The following TRAF2 variants were observed in gnomAD, a reference collection of about 807,000 sequenced individuals.
TRAF2 encodes TNF receptor associated factor 2.
A neutral mutation model predicts 55.6 loss-of-function variants in TRAF2; 6 were observed. The observed-to-expected ratio is 0.11, with a 90% CI of 0.06 to 0.21. TRAF2 has a LOEUF of 0.21. TRAF2 is among the 10% of genes least tolerant of loss of function. The pLI is 1.00. For synonymous variants in TRAF2, 329 were observed against 276.3 expected (o/e 1.19, Z -1.89); for missense variants, 561 against 684.5 (o/e 0.82, Z 2.01).
intron 1 of TRAF2, among the ~76,000 whole-genome samples, chr9:136,888,287 A>T (rs1039943870): frequency 6.6e-6 from 1 of 152,094 alleles, no homozygotes; most frequent in African/African-American, 2.4e-5. Context: ...AGTGGGTTAG[A>T]ATCAGGTGCC....
At position 136,899,627 on chromosome 9, in the gene TRAF2, C is replaced by T. The variant is rs768498025; in HGVS notation, c.222C>T (p.His74=). ...SGPQNCAACV[H]EGIYEEGISI... is the part of the protein sequence containing the mutation. ...CTCAGAACTGTGCTGCCTGTGTTCA[C>T]GAGGGCATATATGAAGAAGGCATTT... Residue 74 remains histidine, a synonymous_variant, in exon 3 of 11, where the codon CAC becomes CAT. Coordinates refer to ENST00000247668, the MANE Select transcript of TRAF2 (RefSeq NM_021138.4). The T allele has an allele frequency of 2.4e-5, 39 of 1,613,152 alleles. No homozygotes were observed. The highest frequency in any genetic ancestry group is 6.7e-5 in the African/African-American group (5 of 74,878).
intron 6 of TRAF2, among the ~76,000 whole-genome samples, chr9:136,913,064 G>A (rs1850154940): frequency 6.6e-6 from 1 of 151,980 alleles, no homozygotes; most frequent in Non-Finnish European, 1.5e-5. Context: ...CTGAACCCGG[G>A]AGGCACAGGT....
intron 1 of TRAF2, among the ~76,000 whole-genome samples, chr9:136,887,308 C>T (rs972225422): frequency 6.6e-6 from 1 of 152,226 alleles, no homozygotes; most frequent in African/African-American, 2.4e-5. Flanking sequence ...CTGGCGTGAG[C>T]AGCTGAAGGC....
chr9:136,899,682 A>AG lies in TRAF2; in HGVS notation c.267+10_267+11insG, dbSNP rs1849770026. ...TTTAGAAAGCAGTTCGGTAAGTAAA[A>AG]TGTCTTGAAGCTAAAAATGTTGAAC... On this transcript the variant is annotated intron_variant, in intron 3 of 10. Coordinates refer to ENST00000247668, the MANE Select transcript of TRAF2 (RefSeq NM_021138.4). The AG allele has an allele frequency of 6.2e-7, 1 of 1,610,020 alleles. No homozygotes were observed. The highest frequency in any genetic ancestry group is 1.7e-5 in the Admixed American group (1 of 59,862).
At chr9:136,910,763 C>T (rs1850085033) in intron 6 of TRAF2, among the ~76,000 whole-genome samples, 1 of 152,222 alleles carries the variant, frequency 6.6e-6, no homozygotes, top group Non-Finnish European at 1.5e-5. Flanking sequence ...TTCTGATTTG[C>T]TTCTGTTTAA....
intron 7 of TRAF2, among the ~76,000 whole-genome samples, chr9:136,918,251 A>ATT (rs1174041846): frequency 0.015 from 656 of 43,710 alleles, 10 homozygotes; most frequent in African/African-American, 0.092. Context: ...ATATATATAT[A>ATT]TATATATTTA....
At chr9:136,912,152 C>CTTTTTTTTTTTT (rs1180324647) in intron 6 of TRAF2, among the ~76,000 whole-genome samples, 11 of 58,334 alleles carry the variant, frequency 1.9e-4, no homozygotes, top group African/African-American at 7.6e-4. Context: ...GCGTCTGGCC[C>CTTTTTTTTTTTT]TTTTTTTTTT....
chr9:136,922,266 A>C (rs1055562719), intron 9 of TRAF2: 3 of 152,244 alleles, frequency 2.0e-5, no homozygotes, highest in Admixed American at 6.5e-5. Flanking sequence ...GAAAAATGAA[A>C]GATTGTTTTA....
intron 7 of TRAF2, among the ~76,000 whole-genome samples, chr9:136,918,259 T>TATATATATATATATATA (rs1564419549): frequency 4.2e-5 from 1 of 23,768 alleles, no homozygotes; most frequent in Non-Finnish European, 6.7e-5. Flanking sequence ...ATATATATAT[T>TATATATATATATATATA]TATTTAATTA....
intron 1 of TRAF2, 161 bp from the exon 2 acceptor site, chr9:136,898,552 A>G (rs1849739661): frequency 1.0e-6 from 1 of 983,990 alleles, no homozygotes; most frequent in Non-Finnish European, 1.2e-6. Context: ...AGGGTCTCCA[A>G]GGCTCCCTGA....
chr9:136,905,892 C>A (rs546731508), intron 4 of TRAF2, among the ~76,000 whole-genome samples: 15 of 152,310 alleles, frequency 9.8e-5, no homozygotes, highest in Non-Finnish European at 1.6e-4. Context: ...ATCACGAGGT[C>A]AGGAGATTGA....
intron 9 of TRAF2, among the ~76,000 whole-genome samples, chr9:136,921,600 C>T (rs1588444738): frequency 6.6e-6 from 1 of 152,214 alleles, no homozygotes; most frequent in East Asian, 1.9e-4. Flanking sequence ...GGGGGTGGGA[C>T]ATGGCTCTCA....
intron 4 of TRAF2, among the ~76,000 whole-genome samples, chr9:136,903,111 G>A (rs17243886): frequency 6.6e-5 from 10 of 151,944 alleles, no homozygotes; most frequent in East Asian, 1.9e-4. Context: ...CACCACATCC[G>A]GCTAATTTTT....
chr9:136,915,810 G>A (rs1478427003), intron 6 of TRAF2, among the ~76,000 whole-genome samples: 1 of 152,128 alleles, frequency 6.6e-6, no homozygotes, highest in Non-Finnish European at 1.5e-5. Flanking sequence ...TTGTTTTGGG[G>A]GAAATTGTTC....
intron 1 of TRAF2, among the ~76,000 whole-genome samples, chr9:136,887,394 G>A (rs1226439493): frequency 1.3e-5 from 2 of 152,242 alleles, no homozygotes; most frequent in African/African-American, 2.4e-5. Context: ...GGCAGCCTGG[G>A]GTCAGGGGAA....
intron 1 of TRAF2, among the ~76,000 whole-genome samples, chr9:136,890,011 C>T (rs551564451): frequency 1.0e-3 from 136 of 132,362 alleles, no homozygotes; most frequent in Non-Finnish European, 1.7e-3. Context: ...ACCGCACGCT[C>T]GTTCAGCCGG....
At chr9:136,888,010 C>G (rs1402043352) in intron 1 of TRAF2, among the ~76,000 whole-genome samples, 2 of 151,958 alleles carry the variant, frequency 1.3e-5, no homozygotes. Flanking sequence ...GCTGGGATTA[C>G]AGGCGTGCAC....
At chr9:136,882,793 G>A, upstream of TRAF2, 1 of 976,632 alleles carries the variant, frequency 1.0e-6, no homozygotes, top group South Asian at 4.7e-5. Flanking sequence ...GGCGGGGTGG[G>A]GAGGCCGCTT....
intron 1 of TRAF2, among the ~76,000 whole-genome samples, chr9:136,889,271 A>G (rs1588415845): frequency 7.4e-6 from 1 of 134,894 alleles, no homozygotes; most frequent in East Asian, 2.1e-4. Flanking sequence ...GGTGTGAGCC[A>G]CCACGCCTGG....
Sources: gnomAD v4.1 joint callset for allele counts (sites outside exome capture counted in the v4.1 genomes callset) on GRCh38, gnomAD v4.1.1 for gene constraint, MANE v1.5 for transcripts, NCBI Gene and HGNC (gene_info 2026-07-23, HGNC 2026-07-21) for gene names.